Variants in COX6C observed in about 807,000 individuals in gnomAD.
The protein encoded by COX6C is cytochrome c oxidase polypeptide VIc.
A neutral mutation model predicts 6.9 loss-of-function variants in COX6C; 3 were observed. The ratio of observed to expected loss-of-function variants is 0.43; its 90% confidence interval spans 0.20 to 1.12. The LOEUF is 1.12. Among genes scored for constraint, COX6C ranks in the 50% most tolerant of loss-of-function variants. COX6C has a pLI of 0.27. For missense variants in COX6C, 101 were observed against 97.3 expected (o/e 1.04, Z -0.16); for synonymous variants, 32 against 32.0 (o/e 1.00, Z 0.00).
chr8:99,889,834 T>C (rs1211283560), intron 2 of COX6C, among the ~76,000 whole-genome samples: 1 of 151,528 alleles, frequency 6.6e-6, no homozygotes, highest in Non-Finnish European at 1.5e-5. Context: ...CTCACGCCTA[T>C]AATCCCAGCA....
chr8:99,890,711 G>A (rs780690074), intron 2 of COX6C, among the ~76,000 whole-genome samples: 30 of 152,162 alleles, frequency 2.0e-4, no homozygotes, highest in Non-Finnish European at 4.3e-4. Context: ...GGGGTATTAT[G>A]ACAAGCATGA....
chr8:99,891,039 TTCCCCATGGATAGAG>T (rs764237366), intron 2 of COX6C, among the ~76,000 whole-genome samples: 12 of 152,358 alleles, frequency 7.9e-5, no homozygotes, highest in Middle Eastern at 3.4e-3. Context: ...CCTGAACCAA[TTCCCCATGGATAGAG>T]GGGCAGCTAT....
chr8:99,883,453 G>GTGTATATA (rs34497336), intron 3 of COX6C, among the ~76,000 whole-genome samples: 2,305 of 134,872 alleles, frequency 0.017, 29 homozygotes, highest in Non-Finnish European at 0.028. Flanking sequence ...GTGTGTGTGT[G>GTGTATATA]TATATATATA....
At position 99,887,592 on chromosome 8, in the gene COX6C, CTTCT is replaced by C; in HGVS notation, c.137_140del (p.Lys46ArgfsTer13). The stretch of plus-strand genomic sequence containing the variant: ...AGTTTCTGTAGAAATCTGCGTATGC[CTTCT>C]TTCTTTGATCAGCCACACGAAACTA... On this transcript the variant is annotated frameshift_variant, in exon 3 of 4. Coordinates refer to ENST00000520468, the MANE Select transcript of COX6C (RefSeq NM_004374.4). LOFTEE classifies it high-confidence loss of function. 2 of 1,604,312 alleles carry C rather than the reference CTTCT, an allele frequency of 1.2e-6. No individual in the cohort carries two copies. Among genetic ancestry groups the C allele is most frequent in the Non-Finnish European group, 1.7e-6 (2 of 1,177,444 alleles).
intron 1 of COX6C, 58 bp from the exon 2 acceptor site, chr8:99,892,110 G>A (rs777157071): frequency 1.7e-5 from 16 of 940,832 alleles, no homozygotes; most frequent in Non-Finnish European, 2.6e-5. Context: ...ACAAACTTGA[G>A]AATGGCCACC....
intron 3 of COX6C, chr8:99,886,500 A>T (rs1436111123): frequency 3.3e-5 from 5 of 152,186 alleles, no homozygotes; most frequent in Non-Finnish European, 5.9e-5. Flanking sequence ...TGATCCAGGA[A>T]TTCCACTTTT....
At chr8:99,881,464 T>C (rs935410973) in intron 3 of COX6C, among the ~76,000 whole-genome samples, 2 of 152,168 alleles carry the variant, frequency 1.3e-5, no homozygotes, top group African/African-American at 4.8e-5. Context: ...TGTTAATGGA[T>C]ACATAATATA....
At position 99,886,944 on chromosome 8, in the gene COX6C, C is replaced by G. The variant is rs191920547; in HGVS notation, c.*15+546G>C. 9 of 152,328 alleles carry G rather than the reference C, an allele frequency of 5.9e-5. No individual in the cohort carries two copies. In the East Asian group the frequency reaches 1.7e-3, roughly 29 times the overall value. 9.4% of individuals were successfully genotyped at this position (152,328 alleles called of 1,614,324 possible). ...AACAATGTGAATGAACTTAACACTA[C>G]TAAACTGTACAATTAAAAATGGTTA... On this transcript the variant is annotated intron_variant, in intron 3 of 3. Transcript: ENST00000520468.
intron 2 of COX6C, among the ~76,000 whole-genome samples, chr8:99,888,423 T>G (rs2131008980): frequency 1.3e-5 from 2 of 151,818 alleles, no homozygotes; most frequent in Middle Eastern, 6.9e-3. Context: ...ATACAAAAAT[T>G]AGCCAGGCAT....
chr8:99,888,744 G>GGT (rs1817984682), intron 2 of COX6C, among the ~76,000 whole-genome samples: 1 of 152,174 alleles, frequency 6.6e-6, no homozygotes, highest in Non-Finnish European at 1.5e-5. Context: ...AGGCTGAAAG[G>GGT]CCAGACTGTT....
chr8:99,892,733 G>T (rs2131013406), intron 1 of COX6C, among the ~76,000 whole-genome samples: 1 of 151,658 alleles, frequency 6.6e-6, no homozygotes, highest in Middle Eastern at 3.4e-3. Context: ...ACAAACTGCG[G>T]CACACTAGTA....
At chr8:99,891,038 A>C (rs1162397170) in intron 2 of COX6C, among the ~76,000 whole-genome samples, 1 of 152,242 alleles carries the variant, frequency 6.6e-6, no homozygotes, top group African/African-American at 2.4e-5. Context: ...TCCTGAACCA[A>C]TTCCCCATGG....
At chr8:99,883,403 GTA>G (rs1046586865) in intron 3 of COX6C, among the ~76,000 whole-genome samples, 6 of 150,742 alleles carry the variant, frequency 4.0e-5, no homozygotes, top group Admixed American at 6.6e-5. Context: ...CTGTGTGTGT[GTA>G]TATATATGTG....
intron 2 of COX6C, among the ~76,000 whole-genome samples, chr8:99,888,522 C>T (rs1817980410): frequency 6.6e-6 from 1 of 151,968 alleles, no homozygotes; most frequent in African/African-American, 2.4e-5. Context: ...TGCAGTGAGC[C>T]GAGATGGTGA....
rs142822576 is a variant in COX6C, at chr8:99,887,558, T to C, written c.175A>G (p.Met59Val). 8.7e-6 allele frequency: 14 copies of C among 1,611,440 alleles called. No homozygotes were observed. In the African/African-American group the frequency reaches 9.4e-5, roughly 11 times the overall value. ...YADFYRNYDV[M>V]KDFEEMRKAG... ...TTCCTCATCTCCTCAAAATCTTTCATGACATCGTAGTTTCTGTAGAAATCT... is the reference window on the plus strand; with the variant it reads ...TTCCTCATCTCCTCAAAATCTTTCACGACATCGTAGTTTCTGTAGAAATCT... Residue 59 changes from methionine (M) to valine (V), a missense_variant, in exon 3 of 4, where the codon ATG becomes GTG. By Grantham distance (21) the Met-to-Val change is conservative. Coordinates refer to ENST00000520468, the MANE Select transcript of COX6C (RefSeq NM_004374.4).
At chr8:99,882,461 C>T (rs1817879086) in intron 3 of COX6C, among the ~76,000 whole-genome samples, 2 of 152,076 alleles carry the variant, frequency 1.3e-5, no homozygotes, top group Admixed American at 6.6e-5. Context: ...ATTAAACAGA[C>T]TCTTAACAAT....
At chr8:99,886,793 G>A (rs572839869) in intron 3 of COX6C, among the ~76,000 whole-genome samples, 1 of 152,182 alleles carries the variant, frequency 6.6e-6, no homozygotes, top group African/African-American at 2.4e-5. Flanking sequence ...TGAGATGCCT[G>A]GGGTAGCCAA....
chr8:99,890,474 T>C lies in COX6C; in HGVS notation c.114+1434A>G, dbSNP rs916718858. 2.0e-5 allele frequency among the ~76,000 whole-genome samples: 3 copies of C among 152,232 alleles called. No individual in the cohort carries two copies. The South Asian group carries it at 6.2e-4, about 32-fold the overall frequency. On this transcript the variant is annotated intron_variant, in intron 2 of 3. Transcript: ENST00000520468. ...TGCCTTTTGTGTCCTCCAAAGCACTTGAAACTCTACATTACCCAACACTGT... is the reference window on the plus strand; with the variant it reads ...TGCCTTTTGTGTCCTCCAAAGCACTCGAAACTCTACATTACCCAACACTGT...
chr8:99,890,442 A>G (rs1337525909), intron 2 of COX6C, among the ~76,000 whole-genome samples: 1 of 152,238 alleles, frequency 6.6e-6, no homozygotes, highest in East Asian at 1.9e-4. Flanking sequence ...ACAGAGATTT[A>G]GCTACATGCC....
Sources: gnomAD v4.1 joint callset for allele counts (sites outside exome capture counted in the v4.1 genomes callset) on GRCh38, gnomAD v4.1.1 for gene constraint, MANE v1.5 for transcripts, NCBI Gene and HGNC (gene_info 2026-07-23, HGNC 2026-07-21) for gene names.